The following PCDHA12 variants were observed in gnomAD, a reference collection of about 807,000 sequenced individuals.
PCDHA12 encodes the protein protocadherin alpha 12, also known as protocadherin alpha-12.
In PCDHA12, 44 loss-of-function variants were observed where a neutral mutation model predicts 60.0. The ratio of observed to expected loss-of-function variants is 0.73; its 90% CI spans 0.58 to 0.94. The LOEUF (loss-of-function observed/expected upper bound fraction) is 0.94, where lower values mean the gene tolerates loss of function less well. PCDHA12 is among the 40% of genes least tolerant of loss of function. The probability of loss-of-function intolerance (pLI) is 0.00; values close to 1 mark genes in which losing one functional copy is unlikely to be tolerated. For synonymous variants in PCDHA12, 569 were observed against 553.0 expected, an observed-to-expected ratio of 1.03 and a Z score of -0.40; for missense variants, 1,276 against 1,239.7, an observed-to-expected ratio of 1.03 and a Z score of -0.44.
intron 1 of PCDHA12, among the ~76,000 whole-genome samples, chr5:140,943,500 G>T (rs907493905): frequency 6.6e-6 from 1 of 152,048 alleles, no homozygotes; most frequent in Non-Finnish European, 1.5e-5. Flanking sequence ...TGCTATCAAG[G>T]TTCATGGAAA....
intron 3 of PCDHA12, among the ~76,000 whole-genome samples, chr5:140,987,213 CA>C (rs58319157): frequency 0.029 from 3,412 of 118,662 alleles, 64 homozygotes; most frequent in African/African-American, 0.058. Flanking sequence ...GACTCCATCT[CA>C]AAAAAAAAAA....
intron 1 of PCDHA12, among the ~76,000 whole-genome samples, chr5:140,970,865 T>C (rs1255232385): frequency 6.6e-6 from 1 of 152,180 alleles, no homozygotes; most frequent in Non-Finnish European, 1.5e-5. Context: ...CCATTCCTGA[T>C]TGAGAGTAGA....
intron 1 of PCDHA12, among the ~76,000 whole-genome samples, chr5:140,964,622 T>A (rs1435749865): frequency 6.6e-6 from 1 of 152,048 alleles, no homozygotes; most frequent in African/African-American, 2.4e-5. Flanking sequence ...ATTCCACTTA[T>A]AAGCCATTTA....
intron 1 of PCDHA12, among the ~76,000 whole-genome samples, chr5:140,974,018 T>C (rs2096611642): frequency 1.3e-5 from 2 of 152,222 alleles, no homozygotes; most frequent in Non-Finnish European, 1.5e-5. Context: ...CATGTGATAA[T>C]ACAACTATAA....
At chr5:140,881,244 CG>C in intron 1 of PCDHA12, 1 of 397,012 alleles carries the variant, frequency 2.5e-6, no homozygotes, top group Non-Finnish European at 3.4e-6. Flanking sequence ...ATTTAAATGA[CG>C]GCAAGGTTTT....
Position 140,876,474 on chromosome 5 carries a change from C to T in PCDHA12, c.1002C>T (p.Ser334=). Residue 334 remains serine (S), a synonymous_variant, in exon 1 of 4, where the codon AGC becomes AGT. Coordinates refer to ENST00000398631, the MANE Select transcript of PCDHA12 (RefSeq NM_018903.4). The part of the protein sequence containing the change: ...DKGIPSMAGH[S]MVLVEVLDVN... ...GGATTCCTTCCATGGCAGGTCACAG[C>T]ATGGTCCTGGTGGAAGTTCTGGACG... is the stretch of plus-strand genomic sequence containing the variant. 1 of 1,614,014 alleles carries T rather than the reference C, an allele frequency of 6.2e-7. No individual in the cohort carries two copies. The highest frequency in any genetic ancestry group is 8.5e-7 in the Non-Finnish European group (1 of 1,179,902).
chr5:140,882,364 C>G (rs1582611912), intron 1 of PCDHA12: 13 of 1,614,244 alleles, frequency 8.1e-6, no homozygotes, highest in Non-Finnish European at 1.1e-5. Flanking sequence ...GCCAGCTCCA[C>G]TACTCCGTCC....
At chr5:140,889,626 TC>T (rs2062301507) in intron 1 of PCDHA12, among the ~76,000 whole-genome samples, 1 of 152,228 alleles carries the variant, frequency 6.6e-6, no homozygotes, top group African/African-American at 2.4e-5. Flanking sequence ...TCATTTCTCT[TC>T]TTTTCATTTG....
At chr5:140,997,481 A>G (rs1563624223) in intron 3 of PCDHA12, among the ~76,000 whole-genome samples, 1 of 152,224 alleles carries the variant, frequency 6.6e-6, no homozygotes, top group Non-Finnish European at 1.5e-5. Flanking sequence ...ACACAATGAT[A>G]AGTATTTGTG....
intron 1 of PCDHA12, chr5:140,966,455 C>T (rs376758355): frequency 4.7e-6 from 2 of 426,810 alleles, no homozygotes; most frequent in East Asian, 3.5e-5. Flanking sequence ...CCCCCTCCCC[C>T]TCTGTCTTCC....
chr5:140,922,326 G>A (rs2080778185), intron 1 of PCDHA12, among the ~76,000 whole-genome samples: 1 of 152,212 alleles, frequency 6.6e-6, no homozygotes, highest in Admixed American at 6.5e-5. Context: ...ATCTTGGAAA[G>A]GGTTGGTATA....
At chr5:140,920,842 A>G (rs1377558160) in intron 1 of PCDHA12, among the ~76,000 whole-genome samples, 1 of 127,576 alleles carries the variant, frequency 7.8e-6, no homozygotes, top group Non-Finnish European at 1.7e-5. Flanking sequence ...GACCAAATCT[A>G]AAAAAAAAAA....
At chr5:140,924,895 AAAAAAAAAAATAAAAT>A (rs200266637) in intron 1 of PCDHA12, among the ~76,000 whole-genome samples, 43,424 of 132,064 alleles carry the variant, frequency 0.33, 6,815 homozygotes, top group East Asian at 0.57. Flanking sequence ...AACCTGTCTC[AAAAAAAAAAATAAAAT>A]AAAATAAAAT....
In PCDHA12 at chr5:140,882,396, C is replaced by A. The variant is rs1287441519; in HGVS notation, c.2367+4557C>A. 54 of 1,614,078 alleles carry A rather than the reference C, an allele frequency of 3.3e-5. No homozygotes were observed. The highest frequency in any genetic ancestry group is 4.6e-5 in the Non-Finnish European group (54 of 1,180,056). On this transcript the variant is annotated intron_variant, in intron 1 of 3. Transcript: ENST00000398631. The stretch of plus-strand genomic sequence containing the variant: ...GTCCCCGAGGAAGCAAAACACGGCA[C>A]CTTCGTGGGCCGCATCGCTCAGGAC...
intron 3 of PCDHA12, among the ~76,000 whole-genome samples, chr5:140,986,392 C>T (rs1331552974): frequency 1.3e-5 from 2 of 152,162 alleles, no homozygotes; most frequent in South Asian, 2.1e-4. Context: ...CATTAAAGGG[C>T]CAGTCGCTCA....
At chr5:140,917,337 G>T (rs1563019639) in intron 1 of PCDHA12, among the ~76,000 whole-genome samples, 1 of 142,560 alleles carries the variant, frequency 7.0e-6, no homozygotes, top group Non-Finnish European at 1.6e-5. Context: ...GGGAGGGGGG[G>T]GATGGTGTAG....
intron 1 of PCDHA12, chr5:140,967,285 G>A (rs150694611): frequency 1.9e-6 from 3 of 1,613,058 alleles, no homozygotes; most frequent in East Asian, 2.2e-5. Context: ...AGAGTGCGCA[G>A]GACCCCGACG....
intron 1 of PCDHA12, among the ~76,000 whole-genome samples, chr5:140,895,085 C>T (rs144485224): frequency 2.0e-5 from 3 of 152,298 alleles, no homozygotes; most frequent in Non-Finnish European, 4.4e-5. Flanking sequence ...AGTTCCTCCT[C>T]AGTATAGGGG....
At chr5:140,921,071 T>C (rs2080004942) in intron 1 of PCDHA12, among the ~76,000 whole-genome samples, 1 of 152,054 alleles carries the variant, frequency 6.6e-6, no homozygotes, top group Admixed American at 6.6e-5. Flanking sequence ...CCTTGAACTC[T>C]TGGGCTCAAG....
Sources: gnomAD v4.1 joint callset for allele counts (sites outside exome capture counted in the v4.1 genomes callset) on GRCh38, gnomAD v4.1.1 for gene constraint, MANE v1.5 for transcripts, NCBI Gene and HGNC (gene_info 2026-07-23, HGNC 2026-07-21) for gene names.